KCNC2: variants seen among roughly 807,000 people sequenced by gnomAD.
KCNC2 encodes potassium voltage-gated channel subfamily C member 2.
KCNC2 carries 21 observed loss-of-function variants against 44.5 expected under a neutral mutation model. That is an observed-to-expected ratio of 0.47 (90% CI 0.33 to 0.68). The LOEUF is 0.68. Ranked by LOEUF, KCNC2 falls within the 30% of genes least tolerant of loss-of-function variation. The probability of loss-of-function intolerance (pLI) is 0.01; values close to 1 mark genes in which losing one functional copy is unlikely to be tolerated. For missense variants in KCNC2, 589 were observed against 826.2 expected (o/e 0.71, Z 3.52); for synonymous variants, 391 against 339.1 (o/e 1.15, Z -1.68).
At chr12:75,183,220 AAC>A (rs1422573461) in intron 2 of KCNC2, among the ~76,000 whole-genome samples, 1 of 152,226 alleles carries the variant, frequency 6.6e-6, no homozygotes, top group Admixed American at 6.5e-5. Flanking sequence ...GTAGCAAAGT[AAC>A]ACAGTGTGAA....
intron 2 of KCNC2, among the ~76,000 whole-genome samples, chr12:75,172,344 G>A (rs1208233894): frequency 6.6e-6 from 1 of 151,824 alleles, no homozygotes; most frequent in Non-Finnish European, 1.5e-5. Flanking sequence ...TTGGAGAAGG[G>A]AGAGCATCAG....
intron 2 of KCNC2, among the ~76,000 whole-genome samples, chr12:75,072,468 C>T (rs1001809895): frequency 6.6e-6 from 1 of 151,968 alleles, no homozygotes; most frequent in Admixed American, 6.6e-5. Context: ...TGTCTCAGAC[C>T]TTTCAGGGAG....
intron 2 of KCNC2, among the ~76,000 whole-genome samples, chr12:75,154,534 C>T (rs1890626937): frequency 6.6e-6 from 1 of 151,908 alleles, no homozygotes; most frequent in African/African-American, 2.4e-5. Flanking sequence ...GGACTCATCC[C>T]CACTGGCATT....
intron 2 of KCNC2, among the ~76,000 whole-genome samples, chr12:75,121,951 TCAGTGGAC>T (rs1888075495): frequency 2.7e-3 from 1 of 374 alleles, no homozygotes; most frequent in Admixed American, 0.071. Flanking sequence ...GAACACTGAC[TCAGTGGAC>T]TCAGTGTCAA....
chr12:75,058,815 A>T (rs1000609935), intron 2 of KCNC2, among the ~76,000 whole-genome samples: 2 of 152,042 alleles, frequency 1.3e-5, no homozygotes, highest in Non-Finnish European at 2.9e-5. Flanking sequence ...CCAGGTAGCC[A>T]ATTTCCATCC....
chr12:75,059,158 A>C (rs1356140615), intron 2 of KCNC2, among the ~76,000 whole-genome samples: 1 of 152,112 alleles, frequency 6.6e-6, no homozygotes, highest in Non-Finnish European at 1.5e-5. Flanking sequence ...GAAACAAGGA[A>C]ACCATATTTA....
At chr12:75,136,364 C>A (rs1195228486) in intron 2 of KCNC2, among the ~76,000 whole-genome samples, 7 of 151,394 alleles carry the variant, frequency 4.6e-5, no homozygotes, top group Admixed American at 4.6e-4. Flanking sequence ...GAAACTGAGA[C>A]CAAGAAAAAG....
chr12:75,113,262 T>C (rs1007502318), intron 2 of KCNC2, among the ~76,000 whole-genome samples: 12 of 152,086 alleles, frequency 7.9e-5, no homozygotes, highest in African/African-American at 2.7e-4. Context: ...CTAATCACAA[T>C]GTTCATATCA....
intron 2 of KCNC2, among the ~76,000 whole-genome samples, chr12:75,142,854 C>T (rs973488209): frequency 1.3e-5 from 2 of 152,186 alleles, no homozygotes; most frequent in African/African-American, 4.8e-5. Flanking sequence ...ACCACTATAG[C>T]CACAAGTCCG....
rs199928913 is a variant in KCNC2 at position 75,050,787 on chromosome 12, C to A, written c.1218G>T (p.Val406=). The A allele has an allele frequency of 1.2e-6, 2 of 1,613,422 alleles. No individual in the cohort carries two copies. The highest frequency in any genetic ancestry group is 1.7e-6 in the Non-Finnish European group (2 of 1,179,828). ...FATMIYYAER[V]GAQPNDPSAS... is the part of the protein sequence containing the mutation. ...CTGAAGGGTCGTTAGGTTGAGCTCCCACTCTCTCGGCATAGTAGATCATGG... is the reference window on the plus strand; with the variant it reads ...CTGAAGGGTCGTTAGGTTGAGCTCCAACTCTCTCGGCATAGTAGATCATGG... The change falls in exon 3 of 5, where the codon GTG becomes GTT. Residue 406 remains valine, a synonymous_variant. Coordinates refer to ENST00000549446, the MANE Select transcript of KCNC2 (RefSeq NM_139137.4).
chr12:75,062,891 A>G (rs1882482127), intron 2 of KCNC2, among the ~76,000 whole-genome samples: 3 of 152,116 alleles, frequency 2.0e-5, no homozygotes, highest in South Asian at 4.1e-4. Flanking sequence ...TTAAAAATGC[A>G]GTTAGTAAAT....
intron 2 of KCNC2, among the ~76,000 whole-genome samples, chr12:75,083,135 T>A (rs1037418441): frequency 6.6e-6 from 1 of 151,340 alleles, no homozygotes; most frequent in Non-Finnish European, 1.5e-5. Flanking sequence ...TTTTCTAAAA[T>A]AAATATTTAA....
At chr12:75,098,816 A>G (rs1383136942) in intron 2 of KCNC2, among the ~76,000 whole-genome samples, 1 of 151,994 alleles carries the variant, frequency 6.6e-6, no homozygotes, top group Non-Finnish European at 1.5e-5. Context: ...ATCACACTGG[A>G]AGAACTCAGA....
intron 2 of KCNC2, among the ~76,000 whole-genome samples, chr12:75,123,456 T>C (rs1888183531): frequency 6.6e-6 from 1 of 152,182 alleles, no homozygotes; most frequent in Non-Finnish European, 1.5e-5. Flanking sequence ...GCAACCACTT[T>C]CCCAAATGCC....
At position 75,077,910 on chromosome 12, in the gene KCNC2, G is replaced by GA. The variant is rs200543927; in HGVS notation, c.688-26594dup. 3.4e-3 allele frequency among the ~76,000 whole-genome samples: 522 copies of GA among 151,452 alleles called. 3 individuals are homozygous for GA. Among genetic ancestry groups the GA allele is most frequent in the African/African-American group, 0.011 (467 of 41,340 alleles). The stretch of plus-strand genomic sequence containing the variant: ...GGCATCCCAAAAGGAGAGTGGTATT[G>GA]AAAAAAAACCCTAAATATTACATAT... On this transcript the variant is annotated intron_variant, in intron 2 of 4. Coordinates refer to ENST00000549446, the MANE Select transcript of KCNC2 (RefSeq NM_139137.4).
intron 2 of KCNC2, among the ~76,000 whole-genome samples, chr12:75,144,027 G>C (rs1889842780): frequency 6.6e-6 from 1 of 152,094 alleles, no homozygotes; most frequent in Non-Finnish European, 1.5e-5. Context: ...CATTCATGGT[G>C]AACATCCATT....
chr12:75,201,284 A>C (rs980508312), intron 2 of KCNC2, among the ~76,000 whole-genome samples: 245 of 122,936 alleles, frequency 2.0e-3, no homozygotes, highest in Non-Finnish European at 3.3e-3. Flanking sequence ...AAAAAAAAAA[A>C]AAAAAAAAAA....
At chr12:75,086,155 C>T (rs1374346635) in intron 2 of KCNC2, among the ~76,000 whole-genome samples, 2 of 151,914 alleles carry the variant, frequency 1.3e-5, no homozygotes, top group Non-Finnish European at 2.9e-5. Flanking sequence ...TTTCTCTATA[C>T]CAAAATTCAA....
chr12:75,189,593 G>A (rs2029994985), intron 2 of KCNC2, among the ~76,000 whole-genome samples: 1 of 152,142 alleles, frequency 6.6e-6, no homozygotes, highest in Non-Finnish European at 1.5e-5. Context: ...AATTAAACTT[G>A]TGCTAGGCAT....
Sources: gnomAD v4.1 joint callset for allele counts (sites outside exome capture counted in the v4.1 genomes callset) on GRCh38, gnomAD v4.1.1 for gene constraint, MANE v1.5 for transcripts, NCBI Gene and HGNC (gene_info 2026-07-23, HGNC 2026-07-21) for gene names.